ADAMTSL1: variants seen among roughly 807,000 people sequenced by gnomAD.
ADAMTSL1 encodes the protein ADAMTS-like protein 1.
ADAMTSL1 carries 126 observed loss-of-function variants against 201.8 expected under a neutral mutation model. That is an observed-to-expected ratio of 0.62 (90% CI 0.54 to 0.72). The LOEUF is 0.72. Among genes scored for constraint, ADAMTSL1 ranks in the 30% least tolerant of loss-of-function variants. ADAMTSL1 has a pLI of 0.00. For missense variants in ADAMTSL1, 2,679 were observed against 2,277.8 expected, an observed-to-expected ratio of 1.18 and a Z score of -3.59; for synonymous variants, 1,121 against 903.4, an observed-to-expected ratio of 1.24 and a Z score of -4.32.
intron 1 of ADAMTSL1, among the ~76,000 whole-genome samples, chr9:18,062,481 C>T (rs906263180): frequency 6.6e-6 from 1 of 151,998 alleles, no homozygotes; most frequent in Admixed American, 6.6e-5. Flanking sequence ...AATCAATTAT[C>T]CTTTTATTTG....
chr9:18,574,402 A>G (rs1412712999), intron 4 of ADAMTSL1, 136 bp downstream of exon 4: 1 of 865,608 alleles, frequency 1.2e-6, no homozygotes, highest in Admixed American at 2.0e-5. Context: ...AGATTTGAAA[A>G]TTAAGGTATG....
intron 2 of ADAMTSL1, among the ~76,000 whole-genome samples, chr9:18,276,158 T>A (rs1311860422): frequency 6.6e-6 from 1 of 152,178 alleles, no homozygotes. Context: ...GAGTTGTTTT[T>A]TCAGACCTAT....
chr9:18,829,828 T>C lies in ADAMTSL1; in HGVS notation c.4115-15T>C. On this transcript the variant is annotated splice_polypyrimidine_tract_variant and intron_variant, in intron 22 of 28. Transcript: ENST00000380548. ...GTGCTTTAACCTGCCTGATCCACCC[T>C]CTGCCTTCTCACAGATCCCCCCCAA... 1 of 1,613,864 alleles carries C rather than the reference T, an allele frequency of 6.2e-7. No homozygotes were observed. The highest frequency in any genetic ancestry group is 8.5e-7 in the Non-Finnish European group (1 of 1,179,804).
At chr9:18,786,303 C>A (rs542697179) in intron 19 of ADAMTSL1, among the ~76,000 whole-genome samples, 1 of 152,258 alleles carries the variant, frequency 6.6e-6, no homozygotes, top group African/African-American at 2.4e-5. Flanking sequence ...TCCTCCCCAA[C>A]CCCTTCAGCC....
chr9:18,718,979 G>C (rs1000217416), intron 14 of ADAMTSL1, among the ~76,000 whole-genome samples: 3 of 152,198 alleles, frequency 2.0e-5, no homozygotes, highest in Non-Finnish European at 2.9e-5. Flanking sequence ...CACAGCTCTA[G>C]ATTCTGTATG....
chr9:18,474,359 GTGTGTGTATGTGTGTT>G, intron 1 of ADAMTSL1, 64 bp downstream of exon 1: 1 of 1,473,656 alleles, frequency 6.8e-7, no homozygotes, highest in Non-Finnish European at 9.5e-7. Context: ...TTGGGGGTGT[GTGTGTGTATGTGTGTT>G]TGTGTGTGTG....
At chr9:17,998,523 A>T (rs1384677156) in intron 1 of ADAMTSL1, among the ~76,000 whole-genome samples, 1 of 152,078 alleles carries the variant, frequency 6.6e-6, no homozygotes, top group Non-Finnish European at 1.5e-5. Flanking sequence ...CTTGCTTGAA[A>T]GAAAGAAGAG....
At chr9:18,578,244 T>C (rs118164972) in intron 4 of ADAMTSL1, among the ~76,000 whole-genome samples, 1 of 152,304 alleles carries the variant, frequency 6.6e-6, no homozygotes, top group East Asian at 1.9e-4. Context: ...TGTAATTCTG[T>C]CATTAATATT....
intron 1 of ADAMTSL1, among the ~76,000 whole-genome samples, chr9:18,062,243 C>G (rs1323498525): frequency 6.6e-6 from 1 of 152,118 alleles, no homozygotes; most frequent in East Asian, 1.9e-4. Flanking sequence ...TCATGATTGA[C>G]TTGTATAGGA....
At chr9:18,736,025 G>T (rs1267573188) in intron 15 of ADAMTSL1, among the ~76,000 whole-genome samples, 1 of 152,054 alleles carries the variant, frequency 6.6e-6, no homozygotes, top group African/African-American at 2.4e-5. Flanking sequence ...AACAGAGTTT[G>T]CACAGTTTTA....
chr9:18,201,281 A>G (rs1829434420), intron 2 of ADAMTSL1, among the ~76,000 whole-genome samples: 1 of 152,108 alleles, frequency 6.6e-6, no homozygotes, highest in African/African-American at 2.4e-5. Flanking sequence ...TCTTTGAGCA[A>G]TAAATTTGAT....
At chr9:18,776,653 A>G in intron 18 of ADAMTSL1, 128 bp from the exon 19 acceptor site, 1 of 1,103,694 alleles carries the variant, frequency 9.1e-7, no homozygotes, top group Non-Finnish European at 1.2e-6. Context: ...GTCCTCCGGC[A>G]CCTTCGTCTC....
At chr9:18,473,462 A>C (rs1587313079), upstream of ADAMTSL1, among the ~76,000 whole-genome samples, 2 of 152,310 alleles carry the variant, frequency 1.3e-5, no homozygotes, top group East Asian at 3.9e-4. Flanking sequence ...CTTTACAGAG[A>C]AGCAACTTGC....
intron 7 of ADAMTSL1, among the ~76,000 whole-genome samples, chr9:18,655,094 C>G (rs1259730596): frequency 6.6e-6 from 1 of 152,212 alleles, no homozygotes; most frequent in Non-Finnish European, 1.5e-5. Context: ...GGGAAAATCC[C>G]AAAGCTCACA....
At chr9:18,224,021 C>T (rs1269714768) in intron 2 of ADAMTSL1, among the ~76,000 whole-genome samples, 1 of 151,370 alleles carries the variant, frequency 6.6e-6, no homozygotes, top group East Asian at 1.9e-4. Flanking sequence ...TAAAAGCATT[C>T]TTTTTTTTTC....
intron 3 of ADAMTSL1, among the ~76,000 whole-genome samples, chr9:18,550,745 T>G (rs936929349): frequency 6.6e-6 from 1 of 151,936 alleles, no homozygotes; most frequent in South Asian, 2.1e-4. Flanking sequence ...TTTAAGCACC[T>G]ACGTTTATGA....
At chr9:18,463,396 G>A (rs4246142) in intron 2 of ADAMTSL1, among the ~76,000 whole-genome samples, 83,881 of 151,868 alleles carry the variant, frequency 0.55, 23,373 homozygotes, top group African/African-American at 0.59. Context: ...TATGTGATGT[G>A]AATTTTACTA....
In ADAMTSL1 at chr9:18,889,722, G is replaced by T; in HGVS notation, c.4617G>T (p.Ala1539=). ...TTCGCCCTGCGGTGCAGCCCATCGC[G>T]TGCAACCGGAGAGACTGCCCTTCTC... The part of the protein sequence containing the change: ...GKVRPAVQPI[A]CNRRDCPSRW... Residue 1539 remains alanine (A), a synonymous_variant, in exon 25 of 29, where the codon GCG becomes GCT. Transcript: ENST00000380548. 2 of 1,536,524 alleles carry T rather than the reference G, an allele frequency of 1.3e-6. No individual in the cohort carries two copies. The highest frequency in any genetic ancestry group is 1.8e-6 in the Non-Finnish European group (2 of 1,140,726).
intron 1 of ADAMTSL1, among the ~76,000 whole-genome samples, chr9:18,123,075 G>A (rs1366292062): frequency 6.6e-6 from 1 of 152,102 alleles, no homozygotes; most frequent in Non-Finnish European, 1.5e-5. Flanking sequence ...CACTTTTCAA[G>A]CTTTTTGTCA....
Sources: gnomAD v4.1 joint callset for allele counts (sites outside exome capture counted in the v4.1 genomes callset) on GRCh38, gnomAD v4.1.1 for gene constraint, MANE v1.5 for transcripts, NCBI Gene and HGNC (gene_info 2026-07-23, HGNC 2026-07-21) for gene names.